The following CSRNP2 variants were observed in gnomAD, a reference collection of about 807,000 sequenced individuals.
CSRNP2 encodes cysteine and serine rich nuclear protein 2, also known as cysteine/serine-rich nuclear protein 2.
CSRNP2 carries 11 observed loss-of-function variants against 36.6 expected under a neutral mutation model. The observed-to-expected ratio is 0.30, with a 90% CI of 0.19 to 0.50. The LOEUF (loss-of-function observed/expected upper bound fraction) is 0.50, where lower values mean the gene tolerates loss of function less well. Among genes scored for constraint, CSRNP2 ranks in the 20% least tolerant of loss-of-function variants. The pLI is 0.98. For missense variants in CSRNP2, 483 were observed against 691.4 expected (o/e 0.70, Z 3.38); for synonymous variants, 248 against 275.3 (o/e 0.90, Z 0.98).
Position 51,076,624 on chromosome 12 carries a change from C to G in CSRNP2, c.-63G>C. On this transcript the variant is annotated 5_prime_UTR_variant, in exon 2 of 5. Transcript: ENST00000228515. Reference sequence around the variant, plus strand: ...TGGCCCCAAAGCCCCTACTCACCACCAGCTAGCCAGGTACATTAGGATTCT... The same window carrying G: ...TGGCCCCAAAGCCCCTACTCACCACGAGCTAGCCAGGTACATTAGGATTCT... 6.3e-7 allele frequency: 1 copy of G among 1,587,162 alleles called. No homozygotes were observed. The highest frequency in any genetic ancestry group is 1.1e-5 in the South Asian group (1 of 89,970).
At position 51,062,000 on chromosome 12, in the gene CSRNP2, G is replaced by A. The variant is rs1948845952; in HGVS notation, c.*1746C>T. 2 of 152,146 alleles carry A rather than the reference G, an allele frequency of 1.3e-5. No homozygotes were observed. Among genetic ancestry groups the A allele is most frequent in the Admixed American group, 6.6e-5 (1 of 15,262 alleles). The allele number at this position is 152,146 out of a possible 1,614,324, so 9.4% of individuals were successfully genotyped here. A position where few individuals can be genotyped will look rare whatever the true frequency, so the allele number is the denominator to read the frequency against. On this transcript the variant is annotated 3_prime_UTR_variant, in exon 5 of 5. Coordinates refer to ENST00000228515, the MANE Select transcript of CSRNP2 (RefSeq NM_030809.3). Reference sequence around the variant, plus strand: ...TCTCAACTGTGTTTTGTGAGGCTAGGGGATGGGGAGAGATAAGGATCTGTG... The same window carrying A: ...TCTCAACTGTGTTTTGTGAGGCTAGAGGATGGGGAGAGATAAGGATCTGTG...
intron 3 of CSRNP2, among the ~76,000 whole-genome samples, chr12:51,069,514 C>T (rs1938847424): frequency 6.7e-6 from 1 of 149,220 alleles, no homozygotes; most frequent in Non-Finnish European, 1.5e-5. Flanking sequence ...CTCGAACTCC[C>T]GACCTCAACT....
intron 2 of CSRNP2, among the ~76,000 whole-genome samples, chr12:51,074,832 C>T (rs899285597): frequency 1.3e-5 from 2 of 151,822 alleles, no homozygotes; most frequent in East Asian, 2.0e-4. Context: ...TTTGGGAAGC[C>T]GAGGCAGGCA....
At chr12:51,066,117 T>C (rs7968372) in intron 4 of CSRNP2, among the ~76,000 whole-genome samples, 142,354 of 152,034 alleles carry the variant, frequency 0.94, 66,674 homozygotes, top group East Asian at 0.98. Context: ...GTCAGGCGTT[T>C]GAGACCTGCC....
In CSRNP2 at chr12:51,067,975, AAG is replaced by A. The variant is rs772328318; in HGVS notation, c.412-8_412-7del. 2 of 1,611,490 alleles carry A rather than the reference AAG, an allele frequency of 1.2e-6. No individual in the cohort carries two copies. Among genetic ancestry groups the A allele is most frequent in the African/African-American group, 1.3e-5 (1 of 74,886 alleles). On this transcript the variant is annotated splice_polypyrimidine_tract_variant and splice_region_variant and intron_variant, in intron 3 of 4. Transcript: ENST00000228515. This position sits in a 1 kb window ranked among gnomAD's most constrained non-coding sequence, Gnocchi z 4.1. ...ACTGTCCCATTCTTGGTCAGCTGCC[AAG>A]AGACAGGAAAGGTTAGCCTCATAGA...
intron 3 of CSRNP2, among the ~76,000 whole-genome samples, chr12:51,069,536 C>T (rs1938850923): frequency 6.7e-6 from 1 of 150,358 alleles, no homozygotes; most frequent in Admixed American, 6.6e-5. Context: ...ATACACCCAA[C>T]TCCACCTCCC....
intron 4 of CSRNP2, among the ~76,000 whole-genome samples, chr12:51,066,904 G>A (rs1212361737): frequency 6.6e-6 from 1 of 152,106 alleles, no homozygotes; most frequent in Non-Finnish European, 1.5e-5. Context: ...ATAGCTTACT[G>A]CAACCTATGC....
chr12:51,066,453 CAAAAAAA>C (rs752714917), intron 4 of CSRNP2, among the ~76,000 whole-genome samples: 1 of 78,152 alleles, frequency 1.3e-5, no homozygotes, highest in Non-Finnish European at 2.3e-5. Flanking sequence ...GACTCCGTCT[CAAAAAAA>C]AAAAAAAAAA....
chr12:51,070,834 T>C (rs1939107557), intron 3 of CSRNP2, among the ~76,000 whole-genome samples: 1 of 152,120 alleles, frequency 6.6e-6, no homozygotes, highest in South Asian at 2.1e-4. Context: ...CTGCCTCCCT[T>C]ATAGAGAGCT....
In CSRNP2 at chr12:51,061,773, C is replaced by A. The variant is rs1948838855; in HGVS notation, c.*1973G>T. ...CTCATCGTGCAGCTGGAATCTACTT[C>A]CTAGATTAAGCCGGAGCCTTCCTGC... On this transcript the variant is annotated 3_prime_UTR_variant, in exon 5 of 5. Transcript: ENST00000228515. 6.6e-6 allele frequency: 1 copy of A among 152,174 alleles called. No homozygotes were observed. Among genetic ancestry groups the A allele is most frequent in the African/African-American group, 2.4e-5 (1 of 41,436 alleles). The allele number at this position is 152,174 out of a possible 1,614,324, so 9.4% of individuals were successfully genotyped here.
chr12:51,078,081 T>C (rs548958227), intron 1 of CSRNP2, among the ~76,000 whole-genome samples: 1 of 152,328 alleles, frequency 6.6e-6, no homozygotes, highest in East Asian at 1.9e-4. Context: ...AGTTGCTAAT[T>C]ATGCAGCAGG....
chr12:51,081,065 A>T (rs901313), intron 1 of CSRNP2, among the ~76,000 whole-genome samples: 1 of 151,972 alleles, frequency 6.6e-6, no homozygotes, highest in Non-Finnish European at 1.5e-5. Context: ...AGGCGGGCAG[A>T]TCACTTGAGG....
At chr12:51,072,552 G>A (rs1201132002) in intron 3 of CSRNP2, among the ~76,000 whole-genome samples, 1 of 105,050 alleles carries the variant, frequency 9.5e-6, no homozygotes, top group African/African-American at 3.7e-5. Flanking sequence ...AACAGAGCTA[G>A]GCTCCGTCTC....
At chr12:51,066,870 G>A (rs764840845) in intron 4 of CSRNP2, among the ~76,000 whole-genome samples, 5 of 151,884 alleles carry the variant, frequency 3.3e-5, no homozygotes, top group East Asian at 1.9e-4. Flanking sequence ...TCTGTCGCCC[G>A]GGCTGGAGTG....
chr12:51,064,776 T>C, intron 4 of CSRNP2, 107 bp from the exon 5 acceptor site: 1 of 914,350 alleles, frequency 1.1e-6, no homozygotes. Flanking sequence ...GGTCTCCTTG[T>C]AAGAAGAAAA....
chr12:51,074,934 A>G (rs1939332981), intron 2 of CSRNP2, among the ~76,000 whole-genome samples: 1 of 151,810 alleles, frequency 6.6e-6, no homozygotes, highest in African/African-American at 2.4e-5. Flanking sequence ...GCATGGTGGC[A>G]CATGCCTGTA....
intron 1 of CSRNP2, chr12:51,083,009 C>T (rs1436964136): frequency 2.0e-5 from 3 of 152,458 alleles, no homozygotes; most frequent in African/African-American, 7.2e-5. Context: ...TCACTTTCCT[C>T]CATCCTACAT....
At chr12:51,068,119 G>A (rs1351446564) in intron 3 of CSRNP2, 150 bp from the exon 4 acceptor site, 1 of 664,446 alleles carries the variant, frequency 1.5e-6, no homozygotes, top group East Asian at 2.7e-5. Flanking sequence ...AGCACATGTG[G>A]CTACTGAGCA....
chr12:51,078,240 C>T (rs1335808127), intron 1 of CSRNP2, among the ~76,000 whole-genome samples: 5 of 152,180 alleles, frequency 3.3e-5, no homozygotes, highest in Non-Finnish European at 5.9e-5. Context: ...ATCAGCTCTA[C>T]AAAGTCAACC....
Sources: allele counts gnomAD v4.1 joint callset (sites outside exome capture counted in the v4.1 genomes callset), GRCh38; gene constraint gnomAD v4.1.1; non-coding constraint Gnocchi (gnomAD v3.1); transcripts MANE v1.5; gene names NCBI Gene and HGNC (gene_info 2026-07-23, HGNC 2026-07-21).